Variants in TRAPPC9 observed in about 807,000 individuals in gnomAD.
TRAPPC9 encodes IKK2 binding protein.
Under a neutral mutation model 124.0 loss-of-function variants are expected in TRAPPC9, and 83 were observed. The observed-to-expected ratio is 0.67, with a 90% confidence interval of 0.56 to 0.80. The LOEUF (loss-of-function observed/expected upper bound fraction) is 0.80, where lower values mean the gene tolerates loss of function less well. Ranked by LOEUF, TRAPPC9 falls within the 30% of genes least tolerant of loss-of-function variation. TRAPPC9 has a pLI of 0.00. For missense variants in TRAPPC9, 1,302 were observed against 1,508.3 expected (o/e 0.86, Z 2.27); for synonymous variants, 638 against 617.5 (o/e 1.03, Z -0.49).
chr8:140,358,245 C>T (rs147998288), intron 9 of TRAPPC9, among the ~76,000 whole-genome samples: 38 of 152,292 alleles, frequency 2.5e-4, no homozygotes, highest in African/African-American at 7.9e-4. Flanking sequence ...TCACTCTTAT[C>T]GCCCAGGCTG....
At chr8:139,864,297 T>G (rs532320984) in intron 21 of TRAPPC9, among the ~76,000 whole-genome samples, 39 of 152,308 alleles carry the variant, frequency 2.6e-4, no homozygotes, top group Non-Finnish European at 5.3e-4. Context: ...ACGTCCGTCC[T>G]TCAATGTGAG....
chr8:139,938,478 G>A (rs1210952855), intron 19 of TRAPPC9, among the ~76,000 whole-genome samples: 1 of 151,928 alleles, frequency 6.6e-6, no homozygotes, highest in Admixed American at 6.6e-5. Context: ...GTAGAGATGA[G>A]TTTTCACCGT....
intron 17 of TRAPPC9, among the ~76,000 whole-genome samples, chr8:140,091,505 G>C (rs1468300282): frequency 6.6e-6 from 1 of 152,202 alleles, no homozygotes; most frequent in African/African-American, 2.4e-5. Flanking sequence ...AGGACACTTT[G>C]AAAATGTCTC....
intron 9 of TRAPPC9, among the ~76,000 whole-genome samples, chr8:140,344,422 C>T (rs1383104738): frequency 3.3e-5 from 5 of 152,168 alleles, no homozygotes; most frequent in Non-Finnish European, 7.3e-5. Flanking sequence ...CCCTGCTGCA[C>T]GGGGAGTCAA....
chr8:139,755,868 C>A (rs567417356), intron 21 of TRAPPC9, among the ~76,000 whole-genome samples: 1 of 136,380 alleles, frequency 7.3e-6, no homozygotes, highest in Non-Finnish European at 1.6e-5. Flanking sequence ...GACAGCAGGT[C>A]GCAGGAAGAG....
chr8:140,050,042 C>T (rs1378226642), intron 17 of TRAPPC9, among the ~76,000 whole-genome samples: 1 of 152,182 alleles, frequency 6.6e-6, no homozygotes, highest in Non-Finnish European at 1.5e-5. Context: ...GGCATGAGTA[C>T]AGCGTGGGGG....
intron 7 of TRAPPC9, 100 bp from the exon 8 acceptor site, chr8:140,371,280 G>A (rs1424522099): frequency 3.4e-6 from 4 of 1,193,212 alleles, no homozygotes; most frequent in Non-Finnish European, 3.6e-6. Flanking sequence ...AAGACCTGAG[G>A]AGAATCGAGG....
rs1332915293 is a variant in TRAPPC9, at chr8:139,949,026, T to C, written c.2811-38726A>G. Among the ~76,000 whole-genome samples, 7 of 151,834 alleles carry C rather than the reference T, an allele frequency of 4.6e-5. No individual in the cohort carries two copies. The East Asian group carries it at 5.8e-4, about 13-fold the overall frequency. On this transcript the variant is annotated intron_variant, in intron 19 of 22. Transcript: ENST00000438773. The stretch of plus-strand genomic sequence containing the variant: ...AGGCAGAGGTTGCCGTGAGCCAAGA[T>C]TGCACCACTGTACTCCGGCCTGGGA...
chr8:140,428,989 T>G (rs1449691415), intron 4 of TRAPPC9, among the ~76,000 whole-genome samples: 1 of 152,172 alleles, frequency 6.6e-6, no homozygotes, highest in Non-Finnish European at 1.5e-5. Flanking sequence ...CATGGAACTG[T>G]AGATATGCTG....
chr8:140,387,552 C>A (rs542026595), intron 7 of TRAPPC9, among the ~76,000 whole-genome samples: 8 of 152,190 alleles, frequency 5.3e-5, no homozygotes, highest in East Asian at 1.9e-4. Flanking sequence ...ACCCCATCAA[C>A]AAGTGGGCGA....
At chr8:139,966,452 G>T (rs1334768326) in intron 19 of TRAPPC9, among the ~76,000 whole-genome samples, 1 of 152,192 alleles carries the variant, frequency 6.6e-6, no homozygotes, top group Non-Finnish European at 1.5e-5. Flanking sequence ...TGCAGCGGTG[G>T]GGCTCCTGCA....
At chr8:139,735,225 C>T (rs1296628321) in intron 21 of TRAPPC9, among the ~76,000 whole-genome samples, 5 of 152,208 alleles carry the variant, frequency 3.3e-5, no homozygotes, top group African/African-American at 9.6e-5. Context: ...CCTCCGTTTC[C>T]TCTTCTGTAA....
At chr8:139,842,389 C>T (rs982393779) in intron 21 of TRAPPC9, among the ~76,000 whole-genome samples, 12 of 152,202 alleles carry the variant, frequency 7.9e-5, no homozygotes, top group Non-Finnish European at 1.3e-4. Flanking sequence ...GCCAGGCCTC[C>T]GCACTCCACA....
intron 5 of TRAPPC9, among the ~76,000 whole-genome samples, chr8:140,413,415 G>T (rs1206767350): frequency 6.6e-6 from 1 of 151,204 alleles, no homozygotes; most frequent in Non-Finnish European, 1.5e-5. Flanking sequence ...TAAATAAATA[G>T]TCATCATCTG....
chr8:140,051,310 C>T (rs116815827), intron 17 of TRAPPC9, among the ~76,000 whole-genome samples: 1,597 of 152,336 alleles, frequency 0.01, 28 homozygotes, highest in African/African-American at 0.036. Flanking sequence ...CAGAGCAGCT[C>T]CACACTGGGA....
At position 139,729,556 on chromosome 8, in the gene TRAPPC9, A is replaced by G. The variant is rs893262283; in HGVS notation, c.*1505T>C. ...AGGGCCACTGGACACCCGCCCCCACATGCCCCCAGCCCACACCACATCACA... is the reference window on the plus strand; with the variant it reads ...AGGGCCACTGGACACCCGCCCCCACGTGCCCCCAGCCCACACCACATCACA... On this transcript the variant is annotated 3_prime_UTR_variant, in exon 23 of 23. Coordinates refer to ENST00000438773, the MANE Select transcript of TRAPPC9 (RefSeq NM_001160372.4). Among the ~76,000 whole-genome samples, 2 of 152,036 alleles carry G rather than the reference A, an allele frequency of 1.3e-5. No homozygotes were observed. Among genetic ancestry groups the G allele is most frequent in the Admixed American group, 6.6e-5 (1 of 15,262 alleles).
intron 3 of TRAPPC9, 40 bp from the exon 4 acceptor site, chr8:140,435,280 A>T: frequency 2.8e-6 from 1 of 352,924 alleles, no homozygotes; most frequent in Non-Finnish European, 4.2e-6. Context: ...CCAGAAAACA[A>T]AAAACAAAAA....
intron 6 of TRAPPC9, among the ~76,000 whole-genome samples, chr8:140,402,645 G>A (rs959649745): frequency 2.0e-5 from 3 of 151,202 alleles, no homozygotes; most frequent in Non-Finnish European, 2.9e-5. Flanking sequence ...GCAATGAACC[G>A]TGATCACGCC....
chr8:140,166,380 G>A (rs570134313), intron 17 of TRAPPC9, among the ~76,000 whole-genome samples: 13 of 152,320 alleles, frequency 8.5e-5, no homozygotes, highest in African/African-American at 2.9e-4. Context: ...TTGAAAAGTC[G>A]TTCCTCCTGG....
Sources: allele counts gnomAD v4.1 joint callset (sites outside exome capture counted in the v4.1 genomes callset), GRCh38; gene constraint gnomAD v4.1.1; transcripts MANE v1.5; gene names NCBI Gene and HGNC (gene_info 2026-07-23, HGNC 2026-07-21).